LRMDA: variants seen among roughly 807,000 people sequenced by gnomAD.
The protein encoded by LRMDA is leucine rich melanocyte differentiation associated, also known as leucine-rich melanocyte differentiation-associated protein.
Under a neutral mutation model 29.8 loss-of-function variants are expected in LRMDA, and 18 were observed. The ratio of observed to expected loss-of-function variants is 0.60; its 90% CI spans 0.42 to 0.90. LRMDA has a LOEUF of 0.90. Among genes scored for constraint, LRMDA ranks in the 40% least tolerant of loss-of-function variants. The pLI is 0.00. For missense variants in LRMDA, 273 were observed against 273.9 expected (o/e 1.00, Z 0.02); for synonymous variants, 125 against 109.4 (o/e 1.14, Z -0.89).
chr10:76,183,627 G>A (rs1413069612), intron 5 of LRMDA, among the ~76,000 whole-genome samples: 1 of 152,226 alleles, frequency 6.6e-6, no homozygotes, highest in East Asian at 1.9e-4. Flanking sequence ...GGAATAAGCA[G>A]ATCAAGATCC....
intron 2 of LRMDA, among the ~76,000 whole-genome samples, chr10:75,698,793 G>A (rs1218051974): frequency 6.6e-6 from 1 of 152,096 alleles, no homozygotes; most frequent in African/African-American, 2.4e-5. Context: ...GTTATGAGTT[G>A]GGGATTGAAT....
chr10:76,204,207 C>T (rs1373709334), intron 5 of LRMDA, among the ~76,000 whole-genome samples: 3 of 150,330 alleles, frequency 2.0e-5, no homozygotes, highest in Non-Finnish European at 4.4e-5. Flanking sequence ...ATTCCATGTG[C>T]CTGTCCACCC....
At chr10:76,512,394 A>C (rs1843017302) in intron 6 of LRMDA, among the ~76,000 whole-genome samples, 1 of 152,220 alleles carries the variant, frequency 6.6e-6, no homozygotes, top group South Asian at 2.1e-4. Flanking sequence ...GATCAATGTA[A>C]TAAAGTTAAA....
At chr10:75,910,370 A>G (rs1845823699) in intron 2 of LRMDA, among the ~76,000 whole-genome samples, 1 of 152,188 alleles carries the variant, frequency 6.6e-6, no homozygotes, top group African/African-American at 2.4e-5. Flanking sequence ...TAAATTTTCT[A>G]TTAAACAGGT....
chr10:75,783,485 C>CAAA (rs55852739), intron 2 of LRMDA, among the ~76,000 whole-genome samples: 10 of 70,524 alleles, frequency 1.4e-4, no homozygotes, highest in African/African-American at 4.4e-4. Flanking sequence ...TGCTCAGAGG[C>CAAA]AAAAAAAAAA....
At chr10:75,855,880 T>A (rs1336123866) in intron 2 of LRMDA, among the ~76,000 whole-genome samples, 1 of 152,208 alleles carries the variant, frequency 6.6e-6, no homozygotes, top group South Asian at 2.1e-4. Flanking sequence ...GTTGTAGATA[T>A]GCGGCATTAT....
intron 5 of LRMDA, among the ~76,000 whole-genome samples, chr10:76,157,951 A>C (rs1037679817): frequency 6.6e-6 from 1 of 151,336 alleles, no homozygotes; most frequent in Non-Finnish European, 1.5e-5. Context: ...GGCAGTTGTA[A>C]CACAATGGTA....
At chr10:75,634,400 A>C (rs1250034894) in intron 2 of LRMDA, among the ~76,000 whole-genome samples, 7 of 152,194 alleles carry the variant, frequency 4.6e-5, no homozygotes, top group Admixed American at 4.6e-4. Flanking sequence ...TGGAGGTTTC[A>C]CCTGCCTCCC....
intron 2 of LRMDA, among the ~76,000 whole-genome samples, chr10:75,484,564 C>G (rs1373986530): frequency 6.6e-6 from 1 of 152,144 alleles, no homozygotes; most frequent in Non-Finnish European, 1.5e-5. Context: ...AATTGTTTCT[C>G]ACCCAAAATC....
intron 2 of LRMDA, among the ~76,000 whole-genome samples, chr10:75,947,748 C>G (rs1248247660): frequency 6.6e-6 from 1 of 152,152 alleles, no homozygotes; most frequent in Non-Finnish European, 1.5e-5. Flanking sequence ...GCTCTATAAA[C>G]AGTTATTTCC....
intron 2 of LRMDA, among the ~76,000 whole-genome samples, chr10:75,572,435 T>C (rs1038159462): frequency 2.6e-5 from 4 of 152,060 alleles, no homozygotes; most frequent in Non-Finnish European, 5.9e-5. Context: ...CCCCGGCAGA[T>C]AGAACAATGC....
intron 2 of LRMDA, among the ~76,000 whole-genome samples, chr10:75,819,228 G>T (rs1454994474): frequency 6.6e-6 from 1 of 152,180 alleles, no homozygotes; most frequent in Non-Finnish European, 1.5e-5. Flanking sequence ...AAGAGAGCAA[G>T]GTGGGAAAGT....
chr10:76,402,818 T>A (rs569449068), intron 6 of LRMDA, among the ~76,000 whole-genome samples: 2 of 152,342 alleles, frequency 1.3e-5, no homozygotes, highest in East Asian at 3.9e-4. Flanking sequence ...TAATTCCTTT[T>A]TCTTTGTCAA....
intron 2 of LRMDA, among the ~76,000 whole-genome samples, chr10:75,501,006 T>C (rs571995312): frequency 6.6e-6 from 1 of 152,344 alleles, no homozygotes; most frequent in African/African-American, 2.4e-5. Flanking sequence ...CTTCTTTGCA[T>C]GTTGTCTCTG....
At chr10:75,893,044 G>C (rs1162525617) in intron 2 of LRMDA, among the ~76,000 whole-genome samples, 1 of 152,184 alleles carries the variant, frequency 6.6e-6, no homozygotes, top group African/African-American at 2.4e-5. Context: ...TTAGTACCCT[G>C]AGGCTGGCTT....
chr10:76,004,882 C>A (rs4745803), intron 2 of LRMDA, among the ~76,000 whole-genome samples: 1 of 152,112 alleles, frequency 6.6e-6, no homozygotes, highest in South Asian at 2.1e-4. Flanking sequence ...CGCCTGCCAC[C>A]ACACCTGGTT....
chr10:75,539,081 A>T (rs1466322355), intron 2 of LRMDA, among the ~76,000 whole-genome samples: 1 of 152,226 alleles, frequency 6.6e-6, no homozygotes, highest in East Asian at 1.9e-4. Flanking sequence ...TTTAAAACCA[A>T]AAAAACTTCT....
At chr10:75,605,665 C>G (rs1840947418) in intron 2 of LRMDA, among the ~76,000 whole-genome samples, 1 of 152,186 alleles carries the variant, frequency 6.6e-6, no homozygotes, top group Non-Finnish European at 1.5e-5. Flanking sequence ...AAATAATTAT[C>G]AGTATTTCAA....
intron 6 of LRMDA, among the ~76,000 whole-genome samples, chr10:76,487,565 A>G (rs1184402267): frequency 2.0e-5 from 3 of 151,890 alleles, no homozygotes; most frequent in African/African-American, 4.8e-5. Flanking sequence ...GGATTTGAGT[A>G]TGGGGATTTG....
Sources: allele counts gnomAD v4.1 joint callset (sites outside exome capture counted in the v4.1 genomes callset), GRCh38; gene constraint gnomAD v4.1.1; transcripts MANE v1.5; gene names NCBI Gene and HGNC (gene_info 2026-07-23, HGNC 2026-07-21).